KIT: variants seen among roughly 807,000 people sequenced by gnomAD.
KIT encodes KIT proto-oncogene, receptor tyrosine kinase.
Under a neutral mutation model 105.7 loss-of-function variants are expected in KIT, and 16 were observed. The ratio of observed to expected loss-of-function variants is 0.15; its 90% CI spans 0.10 to 0.23. The LOEUF (loss-of-function observed/expected upper bound fraction) is 0.23. Ranked by LOEUF, KIT falls within the 10% of genes least tolerant of loss-of-function variation. The probability of loss-of-function intolerance (pLI) is 1.00; values close to 1 mark genes in which losing one functional copy is unlikely to be tolerated. For missense variants in KIT, 858 were observed against 1,213.8 expected, an observed-to-expected ratio of 0.71 and a Z score of 4.36; for synonymous variants, 438 against 441.1, an observed-to-expected ratio of 0.99 and a Z score of 0.09.
chr4:54,679,020 A>T (rs949764270), intron 1 of KIT, among the ~76,000 whole-genome samples: 2 of 151,844 alleles, frequency 1.3e-5, no homozygotes, highest in African/African-American at 4.8e-5. Context: ...CACTGAGGCC[A>T]CCCAGGGTGA....
chr4:54,728,584 A>C (rs559734151), intron 13 of KIT, among the ~76,000 whole-genome samples: 16 of 152,330 alleles, frequency 1.1e-4, no homozygotes, highest in African/African-American at 3.8e-4. Context: ...CCTTAGTTGA[A>C]GTTCCCATCA....
intron 20 of KIT, 111 bp downstream of exon 20, chr4:54,737,391 C>G (rs1483026879): frequency 1.3e-6 from 1 of 781,528 alleles, no homozygotes; most frequent in Middle Eastern, 2.2e-4. Context: ...CTCTCCTAAT[C>G]TTAGGTTGCA....
Position 54,698,512 on chromosome 4 carries a change from A to C in KIT, c.566A>C (p.Asp189Ala). 1 of 1,614,168 alleles carries C rather than the reference A, an allele frequency of 6.2e-7. No homozygotes were observed. ...CGGCTCTGTCTGCATTGTTCTGTGG[A>C]CCAGGAGGGCAAGTCAGTGCTGTCG... ...YHRLCLHCSV[D>A]QEGKSVLSEK... The change falls in exon 3 of 21, where the codon GAC (aspartate) becomes GCC (alanine). Residue 189 changes from aspartate (D) to alanine (A), a missense_variant. Physicochemically the swap from Asp to Ala is moderately radical, Grantham distance 126. Coordinates refer to ENST00000288135, the MANE Select transcript of KIT (RefSeq NM_000222.3).
In KIT at chr4:54,695,546, G is replaced by A. The variant is rs757725466; in HGVS notation, c.102G>A (p.Pro34=). 27 of 1,614,020 alleles carry A rather than the reference G, an allele frequency of 1.7e-5. No individual in the cohort carries two copies. The highest frequency in any genetic ancestry group is 4.5e-5 in the East Asian group (2 of 44,888). ...SSQPSVSPGE[P]SPPSIHPGKS... ...AACCATCTGTGAGTCCAGGGGAACC[G>A]TCTCCACCATCCATCCATCCAGGAA... Residue 34 remains proline, a synonymous_variant, in exon 2 of 21, where the codon CCG becomes CCA. Transcript: ENST00000288135.
chr4:54,661,748 G>A (rs1204582571), intron 1 of KIT, among the ~76,000 whole-genome samples: 1 of 152,234 alleles, frequency 6.6e-6, no homozygotes, highest in African/African-American at 2.4e-5. Flanking sequence ...GATTGAAGAA[G>A]GCCTGGGGAA....
intron 9 of KIT, 96 bp from the exon 10 acceptor site, chr4:54,727,122 G>A (rs1053337111): frequency 2.1e-6 from 2 of 969,014 alleles, no homozygotes; most frequent in African/African-American, 3.2e-5. Context: ...GCCATGGGCT[G>A]TGAGTTGGGA....
intron 1 of KIT, among the ~76,000 whole-genome samples, chr4:54,666,181 A>C (rs189131322): frequency 1.5e-3 from 235 of 152,310 alleles, no homozygotes; most frequent in African/African-American, 5.5e-3. Context: ...ACAGTCTTCA[A>C]ATATTTTTAG....
chr4:54,709,394 G>C (rs907989101), intron 6 of KIT, 30 bp from the exon 7 acceptor site: 1 of 1,348,574 alleles, frequency 7.4e-7, no homozygotes, highest in Middle Eastern at 1.8e-4. Context: ...GCTATCCACA[G>C]GTGATTGACT....
In KIT at chr4:54,723,650, T is replaced by C. The variant is rs1577988844; in HGVS notation, c.1298T>C (p.Phe433Ser). ...ATGCTCCAATGTGTGGCAGCAGGAT[T>C]CCCAGAGCCCACAATAGATTGGTAT... Reference protein sequence around the residue: ...NGMLQCVAAGFPEPTIDWYFC... With the variant: ...NGMLQCVAAGSPEPTIDWYFC... Residue 433 changes from phenylalanine (F) to serine (S), a missense_variant, in exon 8 of 21, where the codon TTC (phenylalanine) becomes TCC (serine). By Grantham distance (155) the Phe-to-Ser change is radical (BLOSUM62 -2). This residue lies in a region of KIT where 401 missense variants were observed against 601.0 expected (regional missense o/e 0.67). Transcript: ENST00000288135. 1 of 1,614,066 alleles carries C rather than the reference T, an allele frequency of 6.2e-7. No homozygotes were observed. The highest frequency in any genetic ancestry group is 1.1e-5 in the South Asian group (1 of 91,090).
intron 7 of KIT, among the ~76,000 whole-genome samples, chr4:54,716,627 T>C (rs190702264): frequency 6.6e-6 from 1 of 152,300 alleles, no homozygotes; most frequent in Non-Finnish European, 1.5e-5. Context: ...GGCATCTCAG[T>C]GTATGGATCT....
intron 1 of KIT, among the ~76,000 whole-genome samples, chr4:54,679,053 G>T (rs1326407417): frequency 6.6e-6 from 1 of 151,986 alleles, no homozygotes; most frequent in Non-Finnish European, 1.5e-5. Context: ...CCACCCAAGT[G>T]CAGCCTTTAC....
intron 1 of KIT, among the ~76,000 whole-genome samples, chr4:54,665,446 T>C (rs1717622623): frequency 1.3e-5 from 2 of 152,156 alleles, no homozygotes; most frequent in Admixed American, 1.3e-4. Context: ...AGATTATCTC[T>C]GAGTGAAGGG....
In KIT at chr4:54,733,071, G is replaced by T; in HGVS notation, c.2363G>T (p.Cys788Phe). The T allele has an allele frequency of 6.2e-7, 1 of 1,611,356 alleles. No individual in the cohort carries two copies. Among genetic ancestry groups the T allele is most frequent in the Non-Finnish European group, 8.5e-7 (1 of 1,177,836 alleles). ...KGMAFLASKN[C>F]IHRDLAARNI... ...TTCTTTTCTCCTCCAACCTAATAGT[G>T]TATTCACAGAGACTTGGCAGCCAGA... is the stretch of plus-strand genomic sequence containing the variant. The change falls in exon 17 of 21, where the codon TGT becomes TTT. Residue 788 changes from cysteine to phenylalanine, a missense_variant and splice_region_variant. By Grantham distance (205) the Cys-to-Phe change is radical (BLOSUM62 -2). This residue lies in a region of KIT where 63 missense variants were observed against 137.4 expected (regional missense o/e 0.46). Coordinates refer to ENST00000288135, the MANE Select transcript of KIT (RefSeq NM_000222.3).
chr4:54,688,308 T>C (rs1290358206), intron 1 of KIT, among the ~76,000 whole-genome samples: 1 of 152,208 alleles, frequency 6.6e-6, no homozygotes, highest in Non-Finnish European at 1.5e-5. Flanking sequence ...ATACAAATCA[T>C]TAGCTTTTTT....
In KIT at chr4:54,708,062, G is replaced by A. The variant is rs115427509; in HGVS notation, c.1115+775G>A. On this transcript the variant is annotated intron_variant, in intron 6 of 20. Coordinates refer to ENST00000288135, the MANE Select transcript of KIT (RefSeq NM_000222.3). ...CTGGGCCAAGGACTAAAGGTTGGAG[G>A]GAAGAGGATAAATTTGGGAGGTCTC... Among the ~76,000 whole-genome samples the A allele has an allele frequency of 8.9e-3, 1,357 of 152,240 alleles. 20 individuals carry two copies. The highest frequency in any genetic ancestry group is 0.03 in the African/African-American group (1,257 of 41,536).
intron 1 of KIT, among the ~76,000 whole-genome samples, chr4:54,683,125 T>C (rs1245566663): frequency 1.3e-5 from 2 of 152,198 alleles, no homozygotes; most frequent in African/African-American, 4.8e-5. Flanking sequence ...TCAGGATAAT[T>C]GGGGTTATCC....
chr4:54,701,049 G>A (rs1421032928), intron 4 of KIT, among the ~76,000 whole-genome samples: 1 of 152,198 alleles, frequency 6.6e-6, no homozygotes, highest in Non-Finnish European at 1.5e-5. Context: ...GTGCATTTGA[G>A]CCTCTGTATA....
At chr4:54,671,878 TC>T (rs2109571606) in intron 1 of KIT, among the ~76,000 whole-genome samples, 1 of 152,320 alleles carries the variant, frequency 6.6e-6, no homozygotes, top group Admixed American at 6.5e-5. Flanking sequence ...CACTTTATCT[TC>T]CCATTATTGG....
chr4:54,683,426 C>T (rs2109615359), intron 1 of KIT, among the ~76,000 whole-genome samples: 1 of 152,228 alleles, frequency 6.6e-6, no homozygotes, highest in East Asian at 1.9e-4. Flanking sequence ...AGCGTGAGCC[C>T]AGGAGTTCGA....
Sources: gnomAD v4.1 joint callset for allele counts (sites outside exome capture counted in the v4.1 genomes callset) on GRCh38, gnomAD v4.1.1 for gene constraint, gnomAD v4.1.1 regional missense constraint, MANE v1.5 for transcripts, NCBI Gene and HGNC (gene_info 2026-07-23, HGNC 2026-07-21) for gene names.